Variants in SLC8A3 observed in about 807,000 individuals in gnomAD.
The protein encoded by SLC8A3 is sodium/calcium exchanger 3.
A neutral mutation model predicts 65.4 loss-of-function variants in SLC8A3; 37 were observed. The observed-to-expected ratio is 0.57, with a 90% CI of 0.44 to 0.74. The LOEUF (loss-of-function observed/expected upper bound fraction) is 0.74, where lower values mean the gene tolerates loss of function less well. Among genes scored for constraint, SLC8A3 ranks in the 30% least tolerant of loss-of-function variants. The pLI is 0.00. For synonymous variants in SLC8A3, 461 were observed against 444.5 expected, an observed-to-expected ratio of 1.04 and a Z score of -0.47; for missense variants, 1,112 against 1,172.1, an observed-to-expected ratio of 0.95 and a Z score of 0.75.
rs7148926 is a variant in SLC8A3 at position 70,165,530 on chromosome 14, G to T, written c.1784+1109C>A. The stretch of plus-strand genomic sequence containing the variant: ...TACTCTTCACACCATCTCCTGCCAC[G>T]CTTATTATTTGTGGATATGTTCAGT... On this transcript the variant is annotated intron_variant, in intron 2 of 6. Coordinates refer to ENST00000356921, the MANE Select transcript of SLC8A3 (RefSeq NM_182932.3). Among the ~76,000 whole-genome samples, 7 of 152,214 alleles carry T rather than the reference G, an allele frequency of 4.6e-5. No homozygotes were observed. The South Asian group carries it at 1.2e-3, about 27-fold the overall frequency.
intron 2 of SLC8A3, among the ~76,000 whole-genome samples, chr14:70,085,113 A>C (rs1891335626): frequency 6.6e-6 from 1 of 152,220 alleles, no homozygotes; most frequent in Non-Finnish European, 1.5e-5. Flanking sequence ...TAAGAGCTTC[A>C]CATGACATGG....
At chr14:70,145,579 T>G (rs1473959687) in intron 2 of SLC8A3, among the ~76,000 whole-genome samples, 1 of 152,244 alleles carries the variant, frequency 6.6e-6, no homozygotes, top group Non-Finnish European at 1.5e-5. Flanking sequence ...TTTGGCTGAC[T>G]GATTATACAG....
intron 1 of SLC8A3, among the ~76,000 whole-genome samples, chr14:70,175,569 C>G (rs1897852670): frequency 6.6e-6 from 1 of 152,110 alleles, no homozygotes. Flanking sequence ...GCATCTTCCT[C>G]TAATTGTAAA....
In SLC8A3 at chr14:70,188,793, C is replaced by A. The variant is rs1883575972; in HGVS notation, c.-477G>T. The A allele has an allele frequency of 6.6e-6, 1 of 152,106 alleles. No individual in the cohort carries two copies. The highest frequency in any genetic ancestry group is 2.4e-5 in the African/African-American group (1 of 41,448). 9.4% of individuals were successfully genotyped at this position (152,106 alleles called of 1,614,324 possible). The stretch of plus-strand genomic sequence containing the variant: ...CAGGAAGGGGCAGGAAGGCAAGCAG[C>A]CCGGCGCGCCCTGGCGGCTCCGAGG... On this transcript the variant is annotated 5_prime_UTR_variant, in exon 1 of 7. Transcript: ENST00000356921.
At chr14:70,101,242 A>G (rs1892530873) in intron 2 of SLC8A3, among the ~76,000 whole-genome samples, 1 of 152,220 alleles carries the variant, frequency 6.6e-6, no homozygotes, top group Non-Finnish European at 1.5e-5. Context: ...AAGGAAAAAT[A>G]TAGGGTAAAA....
chr14:70,141,795 A>T (rs1159184128), intron 2 of SLC8A3, among the ~76,000 whole-genome samples: 1 of 152,176 alleles, frequency 6.6e-6, no homozygotes, highest in Non-Finnish European at 1.5e-5. Flanking sequence ...TCATTTTAGG[A>T]ATATTACCCT....
intron 2 of SLC8A3, among the ~76,000 whole-genome samples, chr14:70,148,041 A>C (rs1399417876): frequency 6.6e-6 from 1 of 152,226 alleles, no homozygotes; most frequent in Non-Finnish European, 1.5e-5. Flanking sequence ...AGTGATATGC[A>C]TTCAGTAGAA....
At chr14:70,087,166 C>T (rs1007081993) in intron 2 of SLC8A3, among the ~76,000 whole-genome samples, 1 of 152,224 alleles carries the variant, frequency 6.6e-6, no homozygotes, top group Non-Finnish European at 1.5e-5. Flanking sequence ...AATTCAGAAT[C>T]TTTCTTATCT....
chr14:70,114,098 T>C (rs560293199), intron 2 of SLC8A3, among the ~76,000 whole-genome samples: 13 of 152,288 alleles, frequency 8.5e-5, no homozygotes, highest in African/African-American at 3.1e-4. Context: ...CCCCAGGTTA[T>C]TGGATACTTA....
intron 2 of SLC8A3, among the ~76,000 whole-genome samples, chr14:70,149,872 A>G (rs1193130415): frequency 6.6e-6 from 1 of 152,198 alleles, no homozygotes; most frequent in African/African-American, 2.4e-5. Flanking sequence ...GTCAACCTCA[A>G]GGTCACCTTC....
rs77860920 is a variant in SLC8A3 at position 70,140,338 on chromosome 14, T to C, written c.1784+26301A>G. Among the ~76,000 whole-genome samples the C allele has an allele frequency of 6.4e-4, 98 of 152,262 alleles. No individual in the cohort carries two copies. The East Asian group carries it at 0.013, about 20-fold the overall frequency. ...TATCACTGCACACTTACAGCGGCCA[T>C]ATAATGTGTGTATATACAACCTTCA... On this transcript the variant is annotated intron_variant, in intron 2 of 6. Transcript: ENST00000356921.
intron 2 of SLC8A3, among the ~76,000 whole-genome samples, chr14:70,082,338 T>A (rs2140009175): frequency 6.6e-6 from 1 of 152,276 alleles, no homozygotes; most frequent in African/African-American, 2.4e-5. Context: ...ACCAGGTAGG[T>A]GAAGGAACGT....
intron 2 of SLC8A3, among the ~76,000 whole-genome samples, chr14:70,123,431 C>A (rs1012096435): frequency 4.1e-5 from 6 of 148,120 alleles, no homozygotes; most frequent in Non-Finnish European, 8.9e-5. Flanking sequence ...TGTGAGGTGG[C>A]TTTTTTTATT....
At chr14:70,156,103 G>A (rs1464689099) in intron 2 of SLC8A3, among the ~76,000 whole-genome samples, 2 of 152,198 alleles carry the variant, frequency 1.3e-5, no homozygotes, top group Non-Finnish European at 2.9e-5. Flanking sequence ...GGCCTGCGGT[G>A]GGGAGCTGGC....
At chr14:70,184,429 G>A (rs2140450615) in intron 1 of SLC8A3, among the ~76,000 whole-genome samples, 1 of 152,270 alleles carries the variant, frequency 6.6e-6, no homozygotes, top group Non-Finnish European at 1.5e-5. Flanking sequence ...TTTAATCTCT[G>A]TCTTCAGTCA....
intron 3 of SLC8A3, among the ~76,000 whole-genome samples, chr14:70,054,134 A>G (rs1354892856): frequency 2.0e-5 from 3 of 152,118 alleles, no homozygotes; most frequent in Non-Finnish European, 4.4e-5. Context: ...TATGAATAGG[A>G]TGGAAGATTG....
chr14:70,080,562 C>T (rs572085756), intron 2 of SLC8A3, among the ~76,000 whole-genome samples: 25 of 152,252 alleles, frequency 1.6e-4, no homozygotes, highest in African/African-American at 6.0e-4. Flanking sequence ...AGTCAGGAGA[C>T]AGCAAATGGG....
intron 2 of SLC8A3, among the ~76,000 whole-genome samples, chr14:70,109,593 T>C (rs1893138287): frequency 6.6e-6 from 1 of 151,964 alleles, no homozygotes; most frequent in Non-Finnish European, 1.5e-5. Flanking sequence ...GAGCTGAGAC[T>C]ACAGTGCATG....
chr14:70,096,983 C>T (rs187298997), intron 2 of SLC8A3, among the ~76,000 whole-genome samples: 68 of 152,256 alleles, frequency 4.5e-4, no homozygotes, highest in African/African-American at 1.5e-3. Context: ...GCCCTCGTAG[C>T]CATCCTTCTG....
Sources: allele counts gnomAD v4.1 joint callset (sites outside exome capture counted in the v4.1 genomes callset), GRCh38; gene constraint gnomAD v4.1.1; transcripts MANE v1.5; gene names NCBI Gene and HGNC (gene_info 2026-07-23, HGNC 2026-07-21).